Variants in CAMK1D observed in about 807,000 individuals in gnomAD.
CAMK1D encodes calcium/calmodulin dependent protein kinase ID, also known as calcium/calmodulin-dependent protein kinase type 1D.
In CAMK1D, 9 loss-of-function variants were observed where a neutral mutation model predicts 47.7. The ratio of observed to expected loss-of-function variants is 0.19; its 90% CI spans 0.11 to 0.33. The LOEUF (loss-of-function observed/expected upper bound fraction) is 0.33, where lower values mean the gene tolerates loss of function less well. Ranked by LOEUF, CAMK1D falls within the 10% of genes least tolerant of loss-of-function variation. The probability of loss-of-function intolerance (pLI) is 1.00; values close to 1 mark genes in which losing one functional copy is unlikely to be tolerated. For missense variants in CAMK1D, 291 were observed against 488.7 expected (o/e 0.60, Z 3.81); for synonymous variants, 184 against 184.9 (o/e 0.99, Z 0.04).
At chr10:12,394,052 C>T (rs1474122022) in intron 1 of CAMK1D, among the ~76,000 whole-genome samples, 2 of 152,216 alleles carry the variant, frequency 1.3e-5, no homozygotes, top group African/African-American at 4.8e-5. Flanking sequence ...GGTTGCGGCT[C>T]GTGCTTTTGG....
intron 1 of CAMK1D, among the ~76,000 whole-genome samples, chr10:12,493,865 G>C (rs1834460698): frequency 6.6e-6 from 1 of 152,206 alleles, no homozygotes; most frequent in South Asian, 2.1e-4. Context: ...CAGCCACAGG[G>C]AGGTCACAGT....
chr10:12,834,132 T>G lies in CAMK1D; in HGVS notation c.*5245T>G, dbSNP rs1833466562. The G allele has an allele frequency of 6.6e-6, 1 of 151,894 alleles. No individual in the cohort carries two copies. Among genetic ancestry groups the G allele is most frequent in the Non-Finnish European group, 1.5e-5 (1 of 67,992 alleles). 9.4% of individuals were successfully genotyped at this position (151,894 alleles called of 1,614,324 possible). ...TTCCTGAAGACTCCAAGAAAATGAG[T>G]GTGCAGATGAGTTAGCTTGACAACC... On this transcript the variant is annotated 3_prime_UTR_variant, in exon 11 of 11. Transcript: ENST00000619168.
At chr10:12,759,499 G>A (rs2130900753) in intron 3 of CAMK1D, among the ~76,000 whole-genome samples, 1 of 152,246 alleles carries the variant, frequency 6.6e-6, no homozygotes, top group African/African-American at 2.4e-5. Flanking sequence ...AATGATGAGA[G>A]GAGAGAAGTT....
At chr10:12,522,802 ACGGGGCGGCTGGCCGGG>A (rs1404788099) in intron 1 of CAMK1D, among the ~76,000 whole-genome samples, 4 of 138,414 alleles carry the variant, frequency 2.9e-5, no homozygotes, top group African/African-American at 1.1e-4. Flanking sequence ...CACCTCCCAG[ACGGGGCGGCTGGCCGGG>A]CGGAGGCGCC....
At position 12,827,571 on chromosome 10, in the gene CAMK1D, ACCTGCCCTGC is replaced by A. The variant is rs141755757; in HGVS notation, c.1040-1186_1040-1177del. 3.2e-4 allele frequency among the ~76,000 whole-genome samples: 29 copies of A among 89,416 alleles called. 3 individuals are homozygous for A. Among genetic ancestry groups the A allele is most frequent in the African/African-American group, 5.9e-4 (10 of 17,042 alleles). 58.7% of individuals were successfully genotyped at this position (89,416 alleles called of 152,430 possible). On this transcript the variant is annotated intron_variant, in intron 10 of 10. Transcript: ENST00000619168. Reference sequence around the variant, plus strand: ...GTCTTTCTTCTCCTCTCCTCCACTAACCTGCCCTGCCCTGCCCTGCCTTGCCCTGCCTTCC... The same window carrying A: ...GTCTTTCTTCTCCTCTCCTCCACTAACCTGCCCTGCCTTGCCCTGCCTTCC...
chr10:12,542,282 G>A (rs1214467576), intron 1 of CAMK1D, among the ~76,000 whole-genome samples: 3 of 151,368 alleles, frequency 2.0e-5, no homozygotes, highest in Non-Finnish European at 4.4e-5. Context: ...TCGGAGGCTG[G>A]GGGGTAACGT....
rs550579150 is a variant in CAMK1D, at chr10:12,666,872, A to G, written c.299+62A>G. 19 of 1,330,668 alleles carry G rather than the reference A, an allele frequency of 1.4e-5. No individual in the cohort carries two copies. In the South Asian group the frequency reaches 2.3e-4, roughly 16 times the overall value. The allele number at this position is 1,330,668 out of a possible 1,614,324, so 82.4% of individuals were successfully genotyped here. On this transcript the variant is annotated intron_variant, in intron 3 of 10. Coordinates refer to ENST00000619168, the MANE Select transcript of CAMK1D (RefSeq NM_153498.4). ...CTTGCAAACTCCAATGTCTAAAGGG[A>G]TCAGGTGGGAAAAGAAGTGATTGAA...
intron 2 of CAMK1D, among the ~76,000 whole-genome samples, chr10:12,638,363 C>T (rs935658071): frequency 5.9e-5 from 9 of 152,244 alleles, no homozygotes; most frequent in East Asian, 3.9e-4. Context: ...ACCCAGCCTC[C>T]GCCTCCTCTC....
chr10:12,485,479 T>C (rs1446652659), intron 1 of CAMK1D, among the ~76,000 whole-genome samples: 1 of 152,104 alleles, frequency 6.6e-6, no homozygotes, highest in Non-Finnish European at 1.5e-5. Context: ...ATGTGTCTGC[T>C]GCCACCTGCC....
chr10:12,622,802 GGGA>G (rs1839039512), intron 2 of CAMK1D, among the ~76,000 whole-genome samples: 1 of 152,114 alleles, frequency 6.6e-6, no homozygotes, highest in African/African-American at 2.4e-5. Flanking sequence ...GGGGAAGAAG[GGGA>G]ATTTTTCTTC....
intron 1 of CAMK1D, among the ~76,000 whole-genome samples, chr10:12,393,970 C>G (rs887519542): frequency 6.6e-6 from 1 of 152,194 alleles, no homozygotes; most frequent in Non-Finnish European, 1.5e-5. Context: ...TTGCAGACCC[C>G]CCAGGTTGAG....
At chr10:12,579,309 C>CCTTCT (rs1242848024) in intron 2 of CAMK1D, among the ~76,000 whole-genome samples, 1 of 152,178 alleles carries the variant, frequency 6.6e-6, no homozygotes, top group Non-Finnish European at 1.5e-5. Flanking sequence ...CCTTTCCTTT[C>CCTTCT]CTTCTTCTGA....
intron 1 of CAMK1D, among the ~76,000 whole-genome samples, chr10:12,501,529 C>T (rs1194260096): frequency 3.9e-5 from 6 of 152,148 alleles, no homozygotes; most frequent in East Asian, 3.8e-4. Flanking sequence ...GTTGTATGCA[C>T]GGCTCTGTGC....
intron 1 of CAMK1D, among the ~76,000 whole-genome samples, chr10:12,494,138 T>C (rs1834467391): frequency 6.6e-6 from 1 of 152,110 alleles, no homozygotes; most frequent in Non-Finnish European, 1.5e-5. Context: ...CCAGCAACAT[T>C]GGGTGTCTCA....
intron 1 of CAMK1D, among the ~76,000 whole-genome samples, chr10:12,370,419 A>T (rs78452111): frequency 1.3e-5 from 2 of 152,142 alleles, no homozygotes; most frequent in African/African-American, 2.4e-5. Context: ...TTAAAAAAAA[A>T]GTCAACGGTA....
At chr10:12,541,616 C>T (rs1024865262) in intron 1 of CAMK1D, among the ~76,000 whole-genome samples, 15 of 152,212 alleles carry the variant, frequency 9.9e-5, no homozygotes, top group African/African-American at 3.4e-4. Context: ...GCCTTGGCCC[C>T]CCAAAAGTGC....
At chr10:12,511,416 CACAGAGAGACCCTGTCTCTACA>C (rs1487123705) in intron 1 of CAMK1D, among the ~76,000 whole-genome samples, 6 of 152,098 alleles carry the variant, frequency 3.9e-5, no homozygotes, top group African/African-American at 1.2e-4. Flanking sequence ...GCCTGGGCAA[CACAGAGAGACCCTGTCTCTACA>C]AAAAAAAATA....
At chr10:12,407,188 G>C (rs1839466101) in intron 1 of CAMK1D, among the ~76,000 whole-genome samples, 1 of 152,168 alleles carries the variant, frequency 6.6e-6, no homozygotes, top group African/African-American at 2.4e-5. Flanking sequence ...ACCTCTCCAT[G>C]ACTTCTTTCA....
chr10:12,691,425 T>A (rs1299870500), intron 3 of CAMK1D, among the ~76,000 whole-genome samples: 1 of 13,846 alleles, frequency 7.2e-5, no homozygotes, highest in Admixed American at 1.1e-3. Context: ...ATATATATTT[T>A]TTTTTTTTTT....
Sources: gnomAD v4.1 joint callset for allele counts (sites outside exome capture counted in the v4.1 genomes callset) on GRCh38, gnomAD v4.1.1 for gene constraint, MANE v1.5 for transcripts, NCBI Gene and HGNC (gene_info 2026-07-23, HGNC 2026-07-21) for gene names.